The following SLC25A40 variants were observed in gnomAD, a reference collection of about 807,000 sequenced individuals.
The protein encoded by SLC25A40 is solute carrier family 25 member 40.
Under a neutral mutation model 46.5 loss-of-function variants are expected in SLC25A40, and 41 were observed. That is an observed-to-expected ratio of 0.88 (90% confidence interval 0.69 to 1.14). The LOEUF is 1.14. Among genes scored for constraint, SLC25A40 ranks in the 50% most tolerant of loss-of-function variants. SLC25A40 has a pLI of 0.00. For missense variants in SLC25A40, 386 were observed against 393.6 expected, an observed-to-expected ratio of 0.98 and a Z score of 0.16; for synonymous variants, 126 against 127.5, an observed-to-expected ratio of 0.99 and a Z score of 0.08.
At chr7:87,840,010 C>T (rs1400584799) in intron 10 of SLC25A40, among the ~76,000 whole-genome samples, 1 of 151,674 alleles carries the variant, frequency 6.6e-6, no homozygotes, top group Non-Finnish European at 1.5e-5. Context: ...CTGATTATCA[C>T]TCAAATTACA....
chr7:87,848,825 CTAA>C (rs1838461959), intron 6 of SLC25A40, among the ~76,000 whole-genome samples: 3 of 152,082 alleles, frequency 2.0e-5, no homozygotes, highest in African/African-American at 7.2e-5. Context: ...ATTGGAATGC[CTAA>C]TGTTATATGG....
chr7:87,870,092 A>G (rs980544284), intron 1 of SLC25A40, among the ~76,000 whole-genome samples: 7 of 151,900 alleles, frequency 4.6e-5, no homozygotes, highest in Admixed American at 3.3e-4. Context: ...GGAGAAATAT[A>G]TCTTCTTTGG....
At chr7:87,854,435 A>T (rs1838570799) in intron 4 of SLC25A40, 125 bp from the exon 5 acceptor site, 1 of 620,434 alleles carries the variant, frequency 1.6e-6, no homozygotes, top group Non-Finnish European at 2.8e-6. Flanking sequence ...ATCTTGAAAA[A>T]GATAAATAAA....
At chr7:87,845,259 T>C (rs1007137150) in intron 8 of SLC25A40, among the ~76,000 whole-genome samples, 2 of 152,062 alleles carry the variant, frequency 1.3e-5, no homozygotes, top group African/African-American at 4.8e-5. Flanking sequence ...CTGAAGCAAT[T>C]ATGGTTATTC....
In SLC25A40 at chr7:87,844,709, G is replaced by GA. The variant is rs532911200; in HGVS notation, c.632-847dup. Among the ~76,000 whole-genome samples the GA allele has an allele frequency of 1.7e-4, 25 of 151,472 alleles. No individual in the cohort carries two copies. In the East Asian group the frequency reaches 4.7e-3, roughly 28 times the overall value. ...AAACATAGCTGGATACAAGCTAATA[G>GA]AAAAAAATCAATTGCAACTGCACAA... is the stretch of plus-strand genomic sequence containing the variant. On this transcript the variant is annotated intron_variant, in intron 8 of 11. Transcript: ENST00000341119.
intron 11 of SLC25A40, 97 bp downstream of exon 11, chr7:87,836,633 A>G (rs1391691760): frequency 6.1e-6 from 4 of 660,698 alleles, no homozygotes; most frequent in Admixed American, 3.5e-5. Flanking sequence ...TAAATGTAGT[A>G]TGTTACCTAT....
chr7:87,853,770 G>A (rs1228399311), intron 5 of SLC25A40, among the ~76,000 whole-genome samples: 2 of 152,140 alleles, frequency 1.3e-5, no homozygotes, highest in Non-Finnish European at 2.9e-5. Flanking sequence ...AGTTGCCAGG[G>A]CTTAAGGAGT....
At chr7:87,860,411 ATTATC>A (rs1302037791) in intron 2 of SLC25A40, among the ~76,000 whole-genome samples, 156 bp downstream of exon 2, 2 of 152,170 alleles carry the variant, frequency 1.3e-5, no homozygotes, top group South Asian at 2.1e-4. Flanking sequence ...ACATCAGAAT[ATTATC>A]TTATATAATC....
In SLC25A40 at chr7:87,835,515, C is replaced by T. The variant is rs1838245478; in HGVS notation, c.*734G>A. On this transcript the variant is annotated 3_prime_UTR_variant, in exon 12 of 12. Transcript: ENST00000341119. The stretch of plus-strand genomic sequence containing the variant: ...TTTACCACTGAACACCCAAGTTTGA[C>T]TGAAGTGAACATTTGCTACTATCAG... 6.6e-6 allele frequency: 1 copy of T among 151,550 alleles called. No individual in the cohort carries two copies. The highest frequency in any genetic ancestry group is 2.1e-4 in the South Asian group (1 of 4,828). 9.4% of individuals were successfully genotyped at this position (151,550 alleles called of 1,614,324 possible).
chr7:87,869,187 A>G (rs758601142), intron 1 of SLC25A40, among the ~76,000 whole-genome samples: 1 of 152,130 alleles, frequency 6.6e-6, no homozygotes, highest in Non-Finnish European at 1.5e-5. Flanking sequence ...TCTGTTAAAG[A>G]GAATGAAGCC....
At chr7:87,868,462 G>A (rs1838841705) in intron 1 of SLC25A40, among the ~76,000 whole-genome samples, 1 of 151,884 alleles carries the variant, frequency 6.6e-6, no homozygotes, top group African/African-American at 2.4e-5. Flanking sequence ...CACAGGTTGA[G>A]GGCTGTCTCC....
intron 9 of SLC25A40, 91 bp downstream of exon 9, chr7:87,843,662 TG>T (rs1838368568): frequency 2.3e-6 from 2 of 874,764 alleles, no homozygotes; most frequent in Admixed American, 5.5e-5. Context: ...GCAGCCAAAG[TG>T]GATCTCAATA....
chr7:87,847,135 A>T lies in SLC25A40; in HGVS notation c.458-13T>A. The T allele has an allele frequency of 6.4e-7, 1 of 1,561,528 alleles. No individual in the cohort carries two copies. Among genetic ancestry groups the T allele is most frequent in the Non-Finnish European group, 8.7e-7 (1 of 1,154,240 alleles). ...GTTACTGCACCAACTAATACAAACA[A>T]GTTAAAAAAAAGAAAACAAAAATAA... On this transcript the variant is annotated splice_polypyrimidine_tract_variant and intron_variant, in intron 7 of 11. Transcript: ENST00000341119.
At chr7:87,838,500 C>T (rs1301761307) in intron 10 of SLC25A40, among the ~76,000 whole-genome samples, 1 of 151,458 alleles carries the variant, frequency 6.6e-6, no homozygotes, top group East Asian at 1.9e-4. Context: ...TAAAGAAACA[C>T]TTTTATTATT....
intron 4 of SLC25A40, among the ~76,000 whole-genome samples, chr7:87,854,971 G>A (rs1285162348): frequency 6.6e-6 from 1 of 151,950 alleles, no homozygotes; most frequent in Non-Finnish European, 1.5e-5. Flanking sequence ...TTCAGCCTGG[G>A]CTACACAGTG....
intron 2 of SLC25A40, chr7:87,860,272 T>C (rs1838677503): frequency 6.6e-6 from 1 of 152,198 alleles, no homozygotes; most frequent in Non-Finnish European, 1.5e-5. Flanking sequence ...GATCAATCTA[T>C]ACTTCTACTG....
chr7:87,864,881 CTCT>C (rs1279169021), intron 1 of SLC25A40, among the ~76,000 whole-genome samples: 3 of 151,994 alleles, frequency 2.0e-5, no homozygotes, highest in Admixed American at 1.3e-4. Context: ...AACTTGTCTC[CTCT>C]TCTTTTCTTC....
At chr7:87,837,258 T>C (rs1265167247) in intron 10 of SLC25A40, 2 of 150,886 alleles carry the variant, frequency 1.3e-5, no homozygotes, top group East Asian at 3.9e-4. Context: ...CCCCTATCTC[T>C]TAAAAAGTGT....
chr7:87,847,907 T>C lies in SLC25A40; in HGVS notation c.403A>G (p.Lys135Glu), dbSNP rs764326546. 1.2e-6 allele frequency: 2 copies of C among 1,611,862 alleles called. No individual in the cohort carries two copies. The highest frequency in any genetic ancestry group is 1.1e-5 in the South Asian group (1 of 90,512). The change falls in exon 7 of 12, where the codon AAG (lysine) becomes GAG (glutamate). Residue 135 changes from lysine (K) to glutamate (E), a missense_variant. Physicochemically the swap from Lys to Glu is moderately conservative, Grantham distance 56. Coordinates refer to ENST00000341119, the MANE Select transcript of SLC25A40 (RefSeq NM_018843.4). ...YDQLSALLRS[K>E]LGENETCIPI... Reference sequence around the variant, plus strand: ...ATGCAGGTTTCATTTTCTCCTAACTTAGATCTCAGAAGAGCACTTAATTGA... The same window carrying C: ...ATGCAGGTTTCATTTTCTCCTAACTCAGATCTCAGAAGAGCACTTAATTGA...
Sources: gnomAD v4.1 joint callset for allele counts (sites outside exome capture counted in the v4.1 genomes callset) on GRCh38, gnomAD v4.1.1 for gene constraint, MANE v1.5 for transcripts, NCBI Gene and HGNC (gene_info 2026-07-23, HGNC 2026-07-21) for gene names.